The following RNLS variants were observed in gnomAD, a reference collection of about 807,000 sequenced individuals.
RNLS encodes the protein renalase.
RNLS carries 39 observed loss-of-function variants against 39.8 expected under a neutral mutation model. The observed-to-expected ratio is 0.98, with a 90% CI of 0.76 to 1.28. The LOEUF (loss-of-function observed/expected upper bound fraction) is 1.28. Ranked by LOEUF, RNLS falls within the 50% of genes most tolerant of loss-of-function variation. RNLS has a pLI of 0.00. For missense variants in RNLS, 410 were observed against 413.3 expected, an observed-to-expected ratio of 0.99 and a Z score of 0.07; for synonymous variants, 147 against 150.7, an observed-to-expected ratio of 0.98 and a Z score of 0.18.
At chr10:88,445,372 T>C (rs1292905974) in intron 4 of RNLS, among the ~76,000 whole-genome samples, 2 of 152,124 alleles carry the variant, frequency 1.3e-5, no homozygotes, top group East Asian at 1.9e-4. Flanking sequence ...ACATGCCAAA[T>C]TGTAAAGACC....
intron 4 of RNLS, among the ~76,000 whole-genome samples, chr10:88,462,555 A>ATAGACAAT (rs1296448850): frequency 6.6e-6 from 1 of 151,980 alleles, no homozygotes; most frequent in Non-Finnish European, 1.5e-5. Flanking sequence ...TATAAATAAG[A>ATAGACAAT]TAGACAATCC....
the RNLS span, among the ~76,000 whole-genome samples, chr10:88,202,294 G>A: frequency 1.2e-4 from 13 of 111,092 alleles, no homozygotes; most frequent in East Asian, 2.3e-3. Context: ...ACCGGGGCCT[G>A]ATGTGGGGTG....
intron 4 of RNLS, among the ~76,000 whole-genome samples, chr10:88,432,390 T>C (rs1172012433): frequency 6.6e-6 from 1 of 151,904 alleles, no homozygotes; most frequent in African/African-American, 2.4e-5. Context: ...TATAGTTATG[T>C]CCTGATTTTA....
the RNLS span, among the ~76,000 whole-genome samples, chr10:88,209,930 T>TG: frequency 0.079 from 12,077 of 152,250 alleles, 669 homozygotes; most frequent in Middle Eastern, 0.13. Flanking sequence ...AACTTGCCTA[T>TG]GGTCATGCAG....
chr10:88,521,710 C>A (rs1846747983), intron 4 of RNLS, among the ~76,000 whole-genome samples: 1 of 152,034 alleles, frequency 6.6e-6, no homozygotes, highest in East Asian at 1.9e-4. Context: ...TGACACAGAA[C>A]TGGGGCTTGG....
At chr10:88,257,355 T>A in the RNLS span, among the ~76,000 whole-genome samples, 2 of 152,224 alleles carry the variant, frequency 1.3e-5, no homozygotes, top group Non-Finnish European at 2.9e-5. Flanking sequence ...ATGGGAGAAC[T>A]CTGCCAGATT....
At chr10:88,360,784 A>G (rs1827301672) in intron 5 of RNLS, among the ~76,000 whole-genome samples, 1 of 152,202 alleles carries the variant, frequency 6.6e-6, no homozygotes, top group African/African-American at 2.4e-5. Flanking sequence ...TGACTCCAAC[A>G]GCTATTGCCA....
chr10:88,211,537 C>A, the RNLS span, among the ~76,000 whole-genome samples: 2 of 152,104 alleles, frequency 1.3e-5, no homozygotes, highest in Non-Finnish European at 1.5e-5. Context: ...GGATGAAGTG[C>A]TATTTAGGCT....
chr10:88,245,939 T>G, the RNLS span, among the ~76,000 whole-genome samples: 9 of 152,218 alleles, frequency 5.9e-5, no homozygotes, highest in Non-Finnish European at 1.0e-4. Flanking sequence ...CCCAACCTAA[T>G]TTCCTGATTT....
chr10:88,364,930 A>C (rs936056988), intron 4 of RNLS, among the ~76,000 whole-genome samples: 4 of 152,158 alleles, frequency 2.6e-5, no homozygotes, highest in Non-Finnish European at 5.9e-5. Flanking sequence ...AAAACTGTGT[A>C]GTTAGCTACT....
At chr10:88,371,853 C>T (rs1268516575) in intron 4 of RNLS, among the ~76,000 whole-genome samples, 1 of 152,110 alleles carries the variant, frequency 6.6e-6, no homozygotes, top group African/African-American at 2.4e-5. Flanking sequence ...TTATGCATAG[C>T]TGGCTTTTTT....
chr10:88,224,517 C>T, the RNLS span, among the ~76,000 whole-genome samples: 1 of 152,168 alleles, frequency 6.6e-6, no homozygotes, highest in South Asian at 2.1e-4. Flanking sequence ...CAAGATGCTG[C>T]CATGTTTTGG....
chr10:88,504,500 T>C (rs1845677628), intron 4 of RNLS, among the ~76,000 whole-genome samples: 2 of 152,076 alleles, frequency 1.3e-5, no homozygotes, highest in South Asian at 2.1e-4. Context: ...ACAAATAGAA[T>C]GGAAACTTTT....
chr10:88,332,634 A>G (rs2133171099), intron 5 of RNLS, among the ~76,000 whole-genome samples: 1 of 152,378 alleles, frequency 6.6e-6, no homozygotes, highest in East Asian at 1.9e-4. Context: ...AGATTCAGAA[A>G]GATAAATGAA....
At chr10:88,380,542 A>AT (rs561229821) in intron 4 of RNLS, among the ~76,000 whole-genome samples, 1,436 of 139,514 alleles carry the variant, frequency 0.01, 15 homozygotes, top group South Asian at 0.034. Context: ...TGCCCAGCTA[A>AT]TTTTTTTTTT....
intron 5 of RNLS, among the ~76,000 whole-genome samples, chr10:88,319,222 A>G (rs978096832): frequency 1.3e-5 from 2 of 152,188 alleles, no homozygotes; most frequent in Non-Finnish European, 2.9e-5. Context: ...AGGCCAAATG[A>G]TCATACACAA....
chr10:88,389,314 G>T (rs1353992944), intron 4 of RNLS, among the ~76,000 whole-genome samples: 1 of 152,104 alleles, frequency 6.6e-6, no homozygotes, highest in Non-Finnish European at 1.5e-5. Context: ...GAACTGTGCT[G>T]GGTTTTTTTT....
rs550284087 is a variant in RNLS, at chr10:88,299,352, G to A, written c.877-13846C>T. ...ATCTAAGAAATGTTGCCAGGCATGG[G>A]TGGTTCACGCCTGTAATCCCAGCAC... On this transcript the variant is annotated intron_variant, in intron 6 of 6. Coordinates refer to ENST00000331772, the MANE Select transcript of RNLS (RefSeq NM_001031709.3). 2.6e-5 allele frequency among the ~76,000 whole-genome samples: 4 copies of A among 152,268 alleles called. No individual in the cohort carries two copies. The South Asian group carries it at 8.3e-4, about 32-fold the overall frequency.
At position 88,388,312 on chromosome 10, in the gene RNLS, A is replaced by G. The variant is rs545866793; in HGVS notation, c.527-25587T>C. On this transcript the variant is annotated intron_variant, in intron 4 of 6. Transcript: ENST00000331772. ...TTTCTCCTTCTGAGCCACTGCAATA[A>G]CTTGCTATTTGGTTTCAATACTTTC... Among the ~76,000 whole-genome samples the G allele has an allele frequency of 4.3e-4, 66 of 152,276 alleles. 1 individual carries two copies. In the South Asian group the frequency reaches 0.011, roughly 26 times the overall value.
Sources: allele counts gnomAD v4.1 joint callset (sites outside exome capture counted in the v4.1 genomes callset), GRCh38; gene constraint gnomAD v4.1.1; transcripts MANE v1.5; gene names NCBI Gene and HGNC (gene_info 2026-07-23, HGNC 2026-07-21).